The following NAALADL2 variants were observed in gnomAD, a reference collection of about 807,000 sequenced individuals.
NAALADL2 encodes the protein N-acetylated alpha-linked acidic dipeptidase like 2.
NAALADL2 carries 76 observed loss-of-function variants against 87.2 expected under a neutral mutation model. The observed-to-expected ratio is 0.87, with a 90% CI of 0.72 to 1.05. NAALADL2 has a LOEUF of 1.05. Among genes scored for constraint, NAALADL2 ranks in the 50% least tolerant of loss-of-function variants. NAALADL2 has a pLI of 0.00. For synonymous variants in NAALADL2, 354 were observed against 331.0 expected (o/e 1.07, Z -0.75); for missense variants, 1,089 against 945.8 (o/e 1.15, Z -1.99).
chr3:174,888,478 A>G (rs1328397407), intron 1 of NAALADL2, among the ~76,000 whole-genome samples: 1 of 152,218 alleles, frequency 6.6e-6, no homozygotes, highest in Non-Finnish European at 1.5e-5. Flanking sequence ...AGTTGATCAA[A>G]TACTTTCCAT....
rs1206070195 is a variant in NAALADL2 at position 175,642,499 on chromosome 3, C to CTT, written c.1896+15128_1896+15129dup. Among the ~76,000 whole-genome samples the CTT allele has an allele frequency of 1.2e-3, 169 of 141,406 alleles. 1 individual carries two copies. Among genetic ancestry groups the CTT allele is most frequent in the Middle Eastern group, 3.7e-3 (1 of 268 alleles). 92.8% of individuals were successfully genotyped at this position (141,406 alleles called of 152,430 possible). The stretch of plus-strand genomic sequence containing the variant: ...TGCCCAAGATATTCATCACCCAAAT[C>CTT]TTTTTTTTTTTTTTTTCTTGAGACA... On this transcript the variant is annotated intron_variant, in intron 11 of 13. Transcript: ENST00000454872.
intron 10 of NAALADL2, among the ~76,000 whole-genome samples, chr3:175,585,605 A>G (rs1375246841): frequency 6.6e-6 from 1 of 152,212 alleles, no homozygotes; most frequent in Non-Finnish European, 1.5e-5. Context: ...AACAGAGCCT[A>G]TAACTAGATT....
rs71312320 is a variant in NAALADL2, at chr3:175,197,436, G to A, written c.546-36495G>A. Among the ~76,000 whole-genome samples, 1,272 of 151,838 alleles carry A rather than the reference G, an allele frequency of 8.4e-3. 3 individuals carry two copies. The highest frequency in any genetic ancestry group is 0.025 in the South Asian group (118 of 4,800). On this transcript the variant is annotated intron_variant, in intron 2 of 13. Transcript: ENST00000454872. ...TTTCTAGACTATGCAATTAGTCTGC[G>A]AAGTTTTTCAGATTGTCACAAATCA... is the stretch of plus-strand genomic sequence containing the variant.
At chr3:175,618,357 C>T (rs1029299629) in intron 10 of NAALADL2, among the ~76,000 whole-genome samples, 1 of 152,088 alleles carries the variant, frequency 6.6e-6, no homozygotes. Context: ...TGAGAGACAA[C>T]CTGGGTAGGG....
At chr3:175,370,418 A>G (rs1371021617) in intron 5 of NAALADL2, among the ~76,000 whole-genome samples, 2 of 152,182 alleles carry the variant, frequency 1.3e-5, no homozygotes, top group East Asian at 3.8e-4. Context: ...GGAAATTATT[A>G]TCACCATTAA....
chr3:174,647,941 A>G (rs1414427913), intron 2 of NAALADL2, among the ~76,000 whole-genome samples: 1 of 152,158 alleles, frequency 6.6e-6, no homozygotes, highest in Non-Finnish European at 1.5e-5. Flanking sequence ...AAAAAACTTT[A>G]CTGTGAAGGT....
chr3:174,718,922 A>C (rs112605113), intron 2 of NAALADL2, among the ~76,000 whole-genome samples: 2,606 of 152,284 alleles, frequency 0.017, 85 homozygotes, highest in African/African-American at 0.061. Context: ...ATTGGAAAAA[A>C]AATGCAGTCT....
At chr3:175,741,734 T>G (rs539494064) in intron 12 of NAALADL2, among the ~76,000 whole-genome samples, 1 of 152,124 alleles carries the variant, frequency 6.6e-6, no homozygotes, top group Non-Finnish European at 1.5e-5. Context: ...GAGATGCAAA[T>G]GTAGGGGAGA....
At chr3:174,638,643 A>G (rs541984462) in intron 2 of NAALADL2, among the ~76,000 whole-genome samples, 2 of 152,236 alleles carry the variant, frequency 1.3e-5, no homozygotes, top group East Asian at 3.9e-4. Context: ...ATAATCAATT[A>G]AGAAGACTAA....
intron 5 of NAALADL2, among the ~76,000 whole-genome samples, chr3:175,427,784 A>G (rs927888072): frequency 2.1e-4 from 24 of 112,360 alleles, no homozygotes; most frequent in African/African-American, 6.9e-4. Context: ...CCTCTAAGGT[A>G]GGAATACAAT....
chr3:175,523,047 C>CTACA (rs1316446572), intron 9 of NAALADL2, among the ~76,000 whole-genome samples: 6 of 152,118 alleles, frequency 3.9e-5, no homozygotes, highest in African/African-American at 1.4e-4. Context: ...CATTTTTGGT[C>CTACA]TACATATGGG....
intron 13 of NAALADL2, among the ~76,000 whole-genome samples, chr3:175,762,192 A>ATTTTTTTTTT (rs55668165): frequency 0.058 from 6,637 of 113,956 alleles, 497 homozygotes; most frequent in Non-Finnish European, 0.085. Flanking sequence ...CTGTGTTTCG[A>ATTTTTTTTTT]TTTTTTTTTT....
intron 10 of NAALADL2, among the ~76,000 whole-genome samples, chr3:175,609,844 G>T (rs2149669985): frequency 6.6e-6 from 1 of 152,150 alleles, no homozygotes; most frequent in Middle Eastern, 3.4e-3. Context: ...AGGAGTTTAG[G>T]AAGGGTACTT....
intron 3 of NAALADL2, among the ~76,000 whole-genome samples, chr3:175,244,631 T>C (rs1377092832): frequency 6.6e-6 from 1 of 152,208 alleles, no homozygotes; most frequent in African/African-American, 2.4e-5. Context: ...TTACTAGTCA[T>C]GTTTTACTCC....
In NAALADL2 at chr3:175,160,360, CT is replaced by C. The variant is rs71164618; in HGVS notation, c.545+63097del. ...TATATTATATGTGTATCTTTTCTTTCTTTTTTTTTTTTTTTTTTTTTTTTTT... is the reference window on the plus strand; with the variant it reads ...TATATTATATGTGTATCTTTTCTTTCTTTTTTTTTTTTTTTTTTTTTTTTT... On this transcript the variant is annotated intron_variant, in intron 2 of 13. Coordinates refer to ENST00000454872, the MANE Select transcript of NAALADL2 (RefSeq NM_207015.3). Among the ~76,000 whole-genome samples, 132 of 57,040 alleles carry C rather than the reference CT, an allele frequency of 2.3e-3. 2 individuals carry two copies. The highest frequency in any genetic ancestry group is 5.3e-3 in the African/African-American group (98 of 18,608). The allele number at this position is 57,040 out of a possible 152,430, so 37.4% of individuals were successfully genotyped here.
At chr3:174,773,073 G>A (rs1714779137) in intron 3 of NAALADL2, among the ~76,000 whole-genome samples, 1 of 152,150 alleles carries the variant, frequency 6.6e-6, no homozygotes, top group African/African-American at 2.4e-5. Flanking sequence ...AAAGCTGTGT[G>A]TGCTGACCTA....
intron 11 of NAALADL2, among the ~76,000 whole-genome samples, chr3:175,707,597 A>G (rs978137231): frequency 6.6e-6 from 1 of 152,100 alleles, no homozygotes; most frequent in Non-Finnish European, 1.5e-5. Context: ...CGATTGCAAA[A>G]CTTTGGCAAT....
chr3:175,206,183 C>T (rs551161106), intron 2 of NAALADL2, among the ~76,000 whole-genome samples: 4 of 148,898 alleles, frequency 2.7e-5, no homozygotes, highest in Non-Finnish European at 5.9e-5. Context: ...ATTGAAAAAT[C>T]GTGGAAACAA....
At chr3:174,843,102 A>G (rs1724205199) in intron 3 of NAALADL2, among the ~76,000 whole-genome samples, 1 of 152,188 alleles carries the variant, frequency 6.6e-6, no homozygotes. Context: ...ATTTCTGTAT[A>G]GTAAGACCAT....
Sources: allele counts gnomAD v4.1 joint callset (sites outside exome capture counted in the v4.1 genomes callset), GRCh38; gene constraint gnomAD v4.1.1; transcripts MANE v1.5; gene names NCBI Gene and HGNC (gene_info 2026-07-23, HGNC 2026-07-21).